Variants in HGS observed in about 807,000 individuals in gnomAD.
HGS encodes the protein human growth factor-regulated tyrosine kinase substrate.
A neutral mutation model predicts 109.7 loss-of-function variants in HGS; 63 were observed. The observed-to-expected ratio is 0.57, with a 90% CI of 0.47 to 0.71. The LOEUF is 0.71. Among genes scored for constraint, HGS ranks in the 30% least tolerant of loss-of-function variants. The pLI is 0.00. For synonymous variants in HGS, 546 were observed against 437.3 expected (o/e 1.25, Z -3.10); for missense variants, 995 against 1,068.3 (o/e 0.93, Z 0.96).
Position 81,695,818 on chromosome 17 carries a change from C to A in HGS, c.1212C>A (p.Ser404Arg). 1 of 1,613,536 alleles carries A rather than the reference C, an allele frequency of 6.2e-7. No homozygotes were observed. Among genetic ancestry groups the A allele is most frequent in the Non-Finnish European group, 8.5e-7 (1 of 1,180,014 alleles). Residue 404 changes from serine (S) to arginine (R), a missense_variant, in exon 15 of 22, where the codon AGC becomes AGA. Around this residue, in one of 6 missense-constraint regions of HGS, gnomAD observed 300 missense variants for 235.4 expected, o/e 1.27. Coordinates refer to ENST00000329138, the MANE Select transcript of HGS (RefSeq NM_004712.5). ...PQFHNGESEE[S>R]HEQFLKALQN... is the part of the protein sequence containing the mutation. ...TCCACAATGGCGAGTCTGAGGAGAG[C>A]CACGAGCAGTTCCTGAAGGCGCTGC...
chr17:81,693,457 G>A, intron 8 of HGS, 46 bp from the exon 9 acceptor site: 1 of 1,438,888 alleles, frequency 6.9e-7, no homozygotes, highest in Non-Finnish European at 9.8e-7. Flanking sequence ...GCGGGGGCAG[G>A]GCGGTGTCAG....
At position 81,694,764 on chromosome 17, in the gene HGS, G is replaced by A. The variant is rs746323060; in HGVS notation, c.937-51G>A. On this transcript the variant is annotated intron_variant, in intron 11 of 21. Transcript: ENST00000329138. ...CACTGGGGACATCCCTGTCCCTGCC[G>A]AAGCAACTGGCTCTGTCACCTGTGA... 61 of 1,612,842 alleles carry A rather than the reference G, an allele frequency of 3.8e-5. 1 individual carries two copies. The highest frequency in any genetic ancestry group is 1.6e-4 in the Middle Eastern group (1 of 6,082).
chr17:81,693,115 C>T (rs1446975411), intron 8 of HGS: 12 of 210,136 alleles, frequency 5.7e-5, no homozygotes, highest in Non-Finnish European at 1.0e-4. Context: ...TGGGGCGCCC[C>T]GGAAGAGCTT....
intron 8 of HGS, among the ~76,000 whole-genome samples, chr17:81,693,240 T>C (rs1342482997): frequency 6.6e-6 from 1 of 152,214 alleles, no homozygotes; most frequent in Non-Finnish European, 1.5e-5. Flanking sequence ...CAGGCCGGGC[T>C]GGTGTCCTGA....
At position 81,696,404 on chromosome 17, in the gene HGS, C is replaced by A; in HGVS notation, c.1441C>A (p.Arg481=). 6.3e-7 allele frequency: 1 copy of A among 1,585,024 alleles called. No homozygotes were observed. Among genetic ancestry groups the A allele is most frequent in the Non-Finnish European group, 8.6e-7 (1 of 1,168,442 alleles). ...CAAGCTGGCACAGATCCGCGATGCC[C>A]GGGGGGCGCTGAGTGCCCTGCGCGA... ...QDKLAQIRDA[R]GALSALREEH... is the part of the protein sequence containing the mutation. Residue 481 remains arginine, a synonymous_variant, in exon 16 of 22, where the codon CGG becomes AGG. Coordinates refer to ENST00000329138, the MANE Select transcript of HGS (RefSeq NM_004712.5).
rs1158481724 is a variant in HGS, at chr17:81,695,894, G to T, written c.1288G>T (p.Gly430Cys). The change falls in exon 15 of 22, where the codon GGC (glycine) becomes TGC (cysteine). Residue 430 changes from glycine to cysteine, a missense_variant. Around this residue, in one of 6 missense-constraint regions of HGS, gnomAD observed 163 missense variants for 217.8 expected, o/e 0.75. Transcript: ENST00000329138. ...VNRMKSNHMRGRSITNDSAVL... is the reference protein window; with the variant it reads ...VNRMKSNHMRCRSITNDSAVL... ...CCGCATGAAGAGTAACCACATGCGGGGCCGCAGCATCACCAATGACTCGGC... is the reference window on the plus strand; with the variant it reads ...CCGCATGAAGAGTAACCACATGCGGTGCCGCAGCATCACCAATGACTCGGC... The T allele has an allele frequency of 6.2e-7, 1 of 1,612,112 alleles. No individual in the cohort carries two copies. The highest frequency in any genetic ancestry group is 1.3e-5 in the African/African-American group (1 of 74,908).
At chr17:81,696,171 C>A in intron 15 of HGS, 172 bp downstream of exon 15, 2 of 603,550 alleles carry the variant, frequency 3.3e-6, no homozygotes, top group South Asian at 2.6e-5. Context: ...CCATGCCCTG[C>A]CCTGCCCTGC....
Position 81,700,687 on chromosome 17 carries a change from C to A in HGS, c.2017-8C>A. 6.2e-7 allele frequency: 1 copy of A among 1,607,908 alleles called. No individual in the cohort carries two copies. On this transcript the variant is annotated splice_region_variant and splice_polypyrimidine_tract_variant and intron_variant, in intron 19 of 21. Coordinates refer to ENST00000329138, the MANE Select transcript of HGS (RefSeq NM_004712.5). ...CCCCTTCTCCCATGGCACTCATTCC[C>A]TCCGCAGAACGTGGCCTCCCAGGCC... is the stretch of plus-strand genomic sequence containing the variant.
At position 81,693,562 on chromosome 17, in the gene HGS, C is replaced by G. The variant is rs918743846; in HGVS notation, c.722C>G (p.Pro241Arg). The change falls in exon 9 of 22, where the codon CCC (proline) becomes CGC (arginine). Residue 241 changes from proline to arginine, a missense_variant. Coordinates refer to ENST00000329138, the MANE Select transcript of HGS (RefSeq NM_004712.5). Reference sequence around the variant, plus strand: ...CTGCCCCCCGAGTACCTGACCAGCCCCCTGTCTCAGCAGTCCCAGGTACTC... The same window carrying G: ...CTGCCCCCCGAGTACCTGACCAGCCGCCTGTCTCAGCAGTCCCAGGTACTC... ...TELPPEYLTS[P>R]LSQQSQLPPK... is the part of the protein sequence containing the mutation. The G allele has an allele frequency of 4.3e-6, 7 of 1,612,314 alleles. No homozygotes were observed. The highest frequency in any genetic ancestry group is 2.2e-5 in the East Asian group (1 of 44,876).
chr17:81,694,415 G>A (rs1012168402), intron 11 of HGS, among the ~76,000 whole-genome samples: 7 of 152,230 alleles, frequency 4.6e-5, no homozygotes, highest in African/African-American at 1.4e-4. Flanking sequence ...TGGCCAGGCC[G>A]CTGCAGGCCC....
chr17:81,694,291 A>G (rs527984006), intron 11 of HGS, among the ~76,000 whole-genome samples: 4 of 151,976 alleles, frequency 2.6e-5, no homozygotes, highest in East Asian at 3.9e-4. Context: ...CATCCACGTC[A>G]CCTCTCCCTG....
rs1020515276 is a variant in HGS, at chr17:81,685,622, C to T, written c.55C>T (p.Leu19Phe). 6 of 1,610,446 alleles carry T rather than the reference C, an allele frequency of 3.7e-6. No individual in the cohort carries two copies. Among genetic ancestry groups the T allele is most frequent in the African/African-American group, 1.3e-5 (1 of 74,764 alleles). ...TCTCTCAGACAAGGCGACCAGCCAG[C>T]TCCTGTTGGAGACAGATTGGGAGTC... ...ERLLDKATSQ[L>F]LLETDWESIL... is the part of the protein sequence containing the mutation. Residue 19 changes from leucine (L) to phenylalanine (F), a missense_variant, in exon 2 of 22, where the codon CTC becomes TTC. Physicochemically the swap from Leu to Phe is conservative, Grantham distance 22. Coordinates refer to ENST00000329138, the MANE Select transcript of HGS (RefSeq NM_004712.5).
rs749317305 is a variant in HGS at position 81,693,939 on chromosome 17, G to A, written c.910G>A (p.Ala304Thr). Residue 304 changes from alanine (A) to threonine (T), a missense_variant, in exon 11 of 22, where the codon GCC becomes ACC. By Grantham distance (58) the Ala-to-Thr change is moderately conservative. Around this residue, in one of 6 missense-constraint regions of HGS, gnomAD observed 300 missense variants for 235.4 expected, o/e 1.27. Coordinates refer to ENST00000329138, the MANE Select transcript of HGS (RefSeq NM_004712.5). ...PMPSASSAPP[A>T]SSLYSSPVNS... ...GCCCTCGGCCTCCTCAGCGCCCCCC[G>A]CCAGCAGCCTGTACTCTTCACCTGT... 6.8e-6 allele frequency: 11 copies of A among 1,611,018 alleles called. No homozygotes were observed. Among genetic ancestry groups the A allele is most frequent in the South Asian group, 4.4e-5 (4 of 91,010 alleles).
At chr17:81,688,590 C>T (rs2037017929) in intron 4 of HGS, 114 bp from the exon 5 acceptor site, 12 of 1,369,184 alleles carry the variant, frequency 8.8e-6, no homozygotes, top group African/African-American at 1.4e-5. Flanking sequence ...CCTCCCTGGC[C>T]TCTGTGTCAG....
chr17:81,700,191 C>A (rs995520612), intron 18 of HGS, among the ~76,000 whole-genome samples: 3 of 151,218 alleles, frequency 2.0e-5, no homozygotes, highest in African/African-American at 7.3e-5. Context: ...ATGATGAAAC[C>A]CCATCTTTAT....
In HGS at chr17:81,696,385, G is replaced by A. The variant is rs1227982474; in HGVS notation, c.1422G>A (p.Leu474=). The change falls in exon 16 of 22, where the codon CTG becomes CTA. Residue 474 remains leucine, a synonymous_variant. Coordinates refer to ENST00000329138, the MANE Select transcript of HGS (RefSeq NM_004712.5). ...ACTATGAGGGGCTGCAGGACAAGCTGGCACAGATCCGCGATGCCCGGGGGG... is the reference window on the plus strand; with the variant it reads ...ACTATGAGGGGCTGCAGGACAAGCTAGCACAGATCCGCGATGCCCGGGGGG... ...RLYYEGLQDK[L]AQIRDARGAL... 6.3e-7 allele frequency: 1 copy of A among 1,589,944 alleles called. No homozygotes were observed. The highest frequency in any genetic ancestry group is 1.1e-5 in the South Asian group (1 of 87,108).
chr17:81,684,985 C>G, intron 1 of HGS: 1 of 985,330 alleles, frequency 1.0e-6, no homozygotes, highest in Non-Finnish European at 1.2e-6. Context: ...TTTCTGTATC[C>G]GGGAAAGGCG....
intron 21 of HGS, 80 bp from the exon 22 acceptor site, chr17:81,701,428 T>TGGCTCTGC: frequency 3.5e-6 from 5 of 1,418,456 alleles, no homozygotes; most frequent in Non-Finnish European, 4.8e-6. Context: ...TGTGGGTCTG[T>TGGCTCTGC]GGCTCTGCTG....
At chr17:81,684,157 G>A (rs2036930483) in intron 1 of HGS, 54 bp downstream of exon 1, 2 of 1,430,416 alleles carry the variant, frequency 1.4e-6, no homozygotes, top group Admixed American at 5.7e-5. Flanking sequence ...GCCTCCGCCC[G>A]GCGCTGAGTC....
Sources: gnomAD v4.1 joint callset for allele counts (sites outside exome capture counted in the v4.1 genomes callset) on GRCh38, gnomAD v4.1.1 for gene constraint, gnomAD v4.1.1 regional missense constraint, MANE v1.5 for transcripts, NCBI Gene and HGNC (gene_info 2026-07-23, HGNC 2026-07-21) for gene names.